The following SYNDIG1 variants were observed in gnomAD, a reference collection of about 807,000 sequenced individuals.
SYNDIG1 encodes the protein synapse differentiation-inducing gene protein 1.
In SYNDIG1, 9 loss-of-function variants were observed where a neutral mutation model predicts 19.4. The ratio of observed to expected loss-of-function variants is 0.46; its 90% CI spans 0.28 to 0.81. The LOEUF is 0.81. Among genes scored for constraint, SYNDIG1 ranks in the 30% least tolerant of loss-of-function variants. The pLI is 0.12. For synonymous variants in SYNDIG1, 141 were observed against 145.9 expected (o/e 0.97, Z 0.24); for missense variants, 311 against 343.3 (o/e 0.91, Z 0.74).
At position 24,479,345 on chromosome 20, in the gene SYNDIG1, C is replaced by A. The variant is rs542071797; in HGVS notation, c.-79+9592C>A. Among the ~76,000 whole-genome samples, 3 of 152,186 alleles carry A rather than the reference C, an allele frequency of 2.0e-5. No individual in the cohort carries two copies. In the South Asian group the frequency reaches 6.2e-4, roughly 32 times the overall value. On this transcript the variant is annotated intron_variant, in intron 1 of 3. Coordinates refer to ENST00000376862, the MANE Select transcript of SYNDIG1 (RefSeq NM_024893.3). Reference sequence around the variant, plus strand: ...GCCTTCTTTGTCAGAATGGAGTGGCCCCAGGGGCAGGACTCACCTCTACCA... The same window carrying A: ...GCCTTCTTTGTCAGAATGGAGTGGCACCAGGGGCAGGACTCACCTCTACCA...
At chr20:24,531,489 C>A (rs1209668195) in intron 1 of SYNDIG1, among the ~76,000 whole-genome samples, 1 of 152,198 alleles carries the variant, frequency 6.6e-6, no homozygotes, top group Admixed American at 6.5e-5. Context: ...AGTTCTGATT[C>A]TCCAGTTTTT....
intron 3 of SYNDIG1, among the ~76,000 whole-genome samples, chr20:24,635,881 G>A (rs139787253): frequency 6.6e-6 from 1 of 152,110 alleles, no homozygotes; most frequent in African/African-American, 2.4e-5. Flanking sequence ...CCACTGTGGG[G>A]ACCCTCTCAC....
intron 1 of SYNDIG1, among the ~76,000 whole-genome samples, chr20:24,510,078 TC>T (rs1414289699): frequency 2.6e-5 from 4 of 152,058 alleles, no homozygotes; most frequent in Non-Finnish European, 5.9e-5. Flanking sequence ...GCTTCCTGAG[TC>T]CTCCCCAGAA....
intron 3 of SYNDIG1, among the ~76,000 whole-genome samples, chr20:24,629,534 A>C (rs1158018652): frequency 6.6e-6 from 1 of 152,102 alleles, no homozygotes; most frequent in Non-Finnish European, 1.5e-5. Context: ...AATGAGGACC[A>C]CAGAGAAAGG....
At chr20:24,635,527 G>A (rs1843165843) in intron 3 of SYNDIG1, among the ~76,000 whole-genome samples, 2 of 152,212 alleles carry the variant, frequency 1.3e-5, no homozygotes, top group African/African-American at 4.8e-5. Flanking sequence ...AAGGGTCTCT[G>A]TGCTGGTTGG....
chr20:24,498,471 A>G (rs560151885), intron 1 of SYNDIG1, among the ~76,000 whole-genome samples: 58 of 152,298 alleles, frequency 3.8e-4, no homozygotes, highest in Non-Finnish European at 6.9e-4. Flanking sequence ...CATTTTGTAT[A>G]ACCAAAATTT....
At chr20:24,514,354 G>A (rs932484873) in intron 1 of SYNDIG1, among the ~76,000 whole-genome samples, 9 of 152,058 alleles carry the variant, frequency 5.9e-5, no homozygotes, top group Non-Finnish European at 1.2e-4. Flanking sequence ...GTCAAGCCTC[G>A]TCAGTGTGCT....
rs2055932065 is a variant in SYNDIG1 at position 24,485,532 on chromosome 20, CTTA to C, written c.-79+15781_-79+15783del. Among the ~76,000 whole-genome samples, 5 of 152,330 alleles carry C rather than the reference CTTA, an allele frequency of 3.3e-5. 1 individual carries two copies. Among genetic ancestry groups the C allele is most frequent in the Admixed American group, 3.3e-4 (5 of 15,298 alleles). ...TTGTAGATCTAGTGACTTCTCCAGA[CTTA>C]TGCAGAAATCAGTGGCAAAGCTAAT... is the stretch of plus-strand genomic sequence containing the variant. On this transcript the variant is annotated intron_variant, in intron 1 of 3. Coordinates refer to ENST00000376862, the MANE Select transcript of SYNDIG1 (RefSeq NM_024893.3).
intron 3 of SYNDIG1, among the ~76,000 whole-genome samples, chr20:24,622,677 C>T (rs995436813): frequency 6.6e-6 from 1 of 152,128 alleles, no homozygotes; most frequent in African/African-American, 2.4e-5. Context: ...TGCACTGATC[C>T]GTGGAAAAAT....
intron 1 of SYNDIG1, among the ~76,000 whole-genome samples, chr20:24,499,549 T>C (rs1239150626): frequency 6.6e-6 from 1 of 152,198 alleles, no homozygotes; most frequent in Non-Finnish European, 1.5e-5. Flanking sequence ...CCTATGAACA[T>C]GAGAGAACTA....
At chr20:24,514,353 C>T (rs922457658) in intron 1 of SYNDIG1, among the ~76,000 whole-genome samples, 5 of 152,126 alleles carry the variant, frequency 3.3e-5, no homozygotes, top group Admixed American at 2.0e-4. Flanking sequence ...GGTCAAGCCT[C>T]GTCAGTGTGC....
intron 2 of SYNDIG1, among the ~76,000 whole-genome samples, chr20:24,584,454 G>A (rs917165009): frequency 1.3e-5 from 2 of 152,144 alleles, no homozygotes; most frequent in Non-Finnish European, 2.9e-5. Context: ...TGGTGGCAAC[G>A]GGGCCAGTTC....
rs141583533 is a variant in SYNDIG1 at position 24,536,822 on chromosome 20, C to T, written c.-78-6198C>T. Among the ~76,000 whole-genome samples the T allele has an allele frequency of 3.9e-4, 59 of 152,290 alleles. 1 individual carries two copies. The highest frequency in any genetic ancestry group is 1.3e-3 in the African/African-American group (56 of 41,552). ...GGCTACACATTTTGCCTCTTCATGA[C>T]CCATTTTTCAAATAAAATACATAAA... On this transcript the variant is annotated intron_variant, in intron 1 of 3. Transcript: ENST00000376862.
chr20:24,578,431 G>GACTC (rs2058265417), intron 2 of SYNDIG1, among the ~76,000 whole-genome samples: 1 of 138,272 alleles, frequency 7.2e-6, no homozygotes, highest in Admixed American at 7.5e-5. Context: ...GACAGTGCGA[G>GACTC]ACTCTGTATC....
chr20:24,475,217 A>T (rs2055584541), intron 1 of SYNDIG1, among the ~76,000 whole-genome samples: 1 of 152,254 alleles, frequency 6.6e-6, no homozygotes, highest in Non-Finnish European at 1.5e-5. Flanking sequence ...AAGTCCTGGG[A>T]CAGTTTCCCA....
chr20:24,512,887 G>A (rs1221579153), intron 1 of SYNDIG1, among the ~76,000 whole-genome samples: 1 of 152,202 alleles, frequency 6.6e-6, no homozygotes, highest in East Asian at 1.9e-4. Context: ...AGTAGGGGCA[G>A]ACTGACAACT....
At chr20:24,586,971 CTG>C in intron 3 of SYNDIG1, among the ~76,000 whole-genome samples, 1 of 152,344 alleles carries the variant, frequency 6.6e-6, no homozygotes, top group East Asian at 1.9e-4. Context: ...ACTGCAGAGA[CTG>C]TGTCTAGAGT....
chr20:24,507,585 G>C (rs1568594932), intron 1 of SYNDIG1, among the ~76,000 whole-genome samples: 1 of 152,210 alleles, frequency 6.6e-6, no homozygotes, highest in Non-Finnish European at 1.5e-5. Flanking sequence ...GTGGCCTGCA[G>C]AAGAGTCCCC....
intron 1 of SYNDIG1, among the ~76,000 whole-genome samples, chr20:24,538,880 C>A (rs1379265770): frequency 6.6e-6 from 1 of 151,950 alleles, no homozygotes; most frequent in East Asian, 1.9e-4. Flanking sequence ...TTTTCCTGGG[C>A]TTATTGGCCA....
Sources: allele counts gnomAD v4.1 joint callset (sites outside exome capture counted in the v4.1 genomes callset), GRCh38; gene constraint gnomAD v4.1.1; transcripts MANE v1.5; gene names NCBI Gene and HGNC (gene_info 2026-07-23, HGNC 2026-07-21).